The following ZNF577 variants were observed in gnomAD, a reference collection of about 807,000 sequenced individuals.
ZNF577 encodes zinc finger protein 577.
In ZNF577, 14 loss-of-function variants were observed where a neutral mutation model predicts 13.9. The ratio of observed to expected loss-of-function variants is 1.00; its 90% CI spans 0.66 to 1.57. The LOEUF (loss-of-function observed/expected upper bound fraction) is 1.57, where lower values mean the gene tolerates loss of function less well. Ranked by LOEUF, ZNF577 falls within the 40% of genes most tolerant of loss-of-function variation. The probability of loss-of-function intolerance (pLI) is 0.00; values close to 1 mark genes in which losing one functional copy is unlikely to be tolerated. For synonymous variants in ZNF577, 203 were observed against 202.9 expected (o/e 1.00, Z 0.00); for missense variants, 555 against 579.2 (o/e 0.96, Z 0.43).
chr19:51,814,516 C>CA (rs1378864974), intron 9 of ZNF577, among the ~76,000 whole-genome samples: 2 of 152,030 alleles, frequency 1.3e-5, no homozygotes, highest in African/African-American at 4.8e-5. Context: ...TGTTTTGAGA[C>CA]AGAGTCCAGC....
At chr19:51,805,462 T>G (rs1235101960) in intron 10 of ZNF577, among the ~76,000 whole-genome samples, 1 of 152,202 alleles carries the variant, frequency 6.6e-6, no homozygotes, top group Non-Finnish European at 1.5e-5. Context: ...AAGGTGATGT[T>G]GGATGTGAAA....
chr19:51,849,133 G>A (rs780147847), intron 5 of ZNF577, among the ~76,000 whole-genome samples: 1 of 152,140 alleles, frequency 6.6e-6, no homozygotes, highest in Non-Finnish European at 1.5e-5. Context: ...ACAGTTTGGG[G>A]AAGGAAACTA....
At chr19:51,849,187 G>A (rs7252849) in intron 5 of ZNF577, among the ~76,000 whole-genome samples, 70,858 of 152,010 alleles carry the variant, frequency 0.47, 17,741 homozygotes, top group African/African-American at 0.64. Context: ...CTCCAATGGA[G>A]AAAGGGTAAG....
At chr19:51,877,486 A>G (rs534585840) in intron 4 of ZNF577, 109 bp from the exon 5 acceptor site, 3 of 840,102 alleles carry the variant, frequency 3.6e-6, no homozygotes, top group East Asian at 5.1e-5. Flanking sequence ...ATAAAGCAAA[A>G]CTCTTTCACT....
At chr19:51,822,354 G>A (rs1357940589) in intron 9 of ZNF577, among the ~76,000 whole-genome samples, 1 of 152,178 alleles carries the variant, frequency 6.6e-6, no homozygotes, top group Non-Finnish European at 1.5e-5. Flanking sequence ...AAAGATGGAG[G>A]AGGGATACCT....
At chr19:51,823,732 G>A (rs1165139650) in intron 9 of ZNF577, 2 of 1,555,918 alleles carry the variant, frequency 1.3e-6, no homozygotes, top group Admixed American at 1.9e-5. Context: ...TTGCTGAAAT[G>A]TTTCAGGTGT....
At chr19:51,855,868 G>A (rs1464140624) in intron 5 of ZNF577, 2 of 152,140 alleles carry the variant, frequency 1.3e-5, no homozygotes, top group Non-Finnish European at 2.9e-5. Flanking sequence ...GGATTTCCAA[G>A]CTTATTTGTC....
downstream of ZNF577, among the ~76,000 whole-genome samples, chr19:51,863,710 A>G (rs1422249400): frequency 3.3e-5 from 5 of 152,212 alleles, no homozygotes; most frequent in Admixed American, 3.3e-4. Flanking sequence ...TCAAAAGGAG[A>G]AAATAAAAAT....
chr19:51,880,608 CAG>C (rs1192609829), intron 2 of ZNF577, 69 bp downstream of exon 2: 7 of 572,880 alleles, frequency 1.2e-5, no homozygotes, highest in Middle Eastern at 9.3e-4. Flanking sequence ...CTCATTTAAC[CAG>C]ACTGTCTTTT....
At chr19:51,845,315 G>A (rs145985669) in intron 5 of ZNF577, among the ~76,000 whole-genome samples, 1 of 152,162 alleles carries the variant, frequency 6.6e-6, no homozygotes, top group East Asian at 1.9e-4. Flanking sequence ...TCAACATGGA[G>A]AAACCCGGTC....
rs747827538 is a variant in ZNF577, at chr19:51,824,997, C to T, written c.*600-13323G>A. On this transcript the variant is annotated intron_variant and NMD_transcript_variant, in intron 9 of 10. Coordinates refer to the ZNF577 transcript ENST00000638827. This position sits in a 1 kb window ranked among gnomAD's most constrained non-coding sequence, Gnocchi z 4.7. ...CAATAGACACCAGCTGGGTGTCCTA[C>T]AATTAAATTCCAACACTATCTACCT... The T allele has an allele frequency of 1.5e-5, 9 of 587,404 alleles. No homozygotes were observed. The highest frequency in any genetic ancestry group is 6.8e-5 in the South Asian group (3 of 44,064). 36.4% of individuals were successfully genotyped at this position (587,404 alleles called of 1,614,324 possible).
chr19:51,883,055 G>A (rs541055817), intron 1 of ZNF577, among the ~76,000 whole-genome samples: 6 of 149,306 alleles, frequency 4.0e-5, no homozygotes, highest in South Asian at 2.1e-4. Flanking sequence ...GTGCAGTAGC[G>A]CGATCTCAGC....
At chr19:51,826,037 A>G (rs1250378402) in intron 9 of ZNF577, 1 of 164,830 alleles carries the variant, frequency 6.1e-6, no homozygotes, top group Non-Finnish European at 1.5e-5. Flanking sequence ...TGTTTAAATC[A>G]TGAATGAATG....
chr19:51,868,288 GAC>G lies in ZNF577; in HGVS notation c.*4242_*4243del, dbSNP rs560115321. ...TAGGCCAGTTCCGGACACTCCATAGGACACAGACACCTACACACCTAAAAAAG... is the reference window on the plus strand; with the variant it reads ...TAGGCCAGTTCCGGACACTCCATAGGACAGACACCTACACACCTAAAAAAG... On this transcript the variant is annotated 3_prime_UTR_variant, in exon 6 of 6. Coordinates refer to ENST00000638348, the MANE Select transcript of ZNF577 (RefSeq NM_001370449.1). Among the ~76,000 whole-genome samples, 778 of 152,156 alleles carry G rather than the reference GAC, an allele frequency of 5.1e-3. 2 individuals are homozygous for G. Among genetic ancestry groups the G allele is most frequent in the Non-Finnish European group, 8.5e-3 (581 of 67,996 alleles).
Position 51,824,780 on chromosome 19 carries a change from T to G in ZNF577, c.*600-13106A>C, listed in dbSNP as rs761936405. The G allele has an allele frequency of 1.8e-5, 29 of 1,612,966 alleles. No homozygotes were observed. The South Asian group carries it at 3.1e-4, about 17-fold the overall frequency. On this transcript the variant is annotated intron_variant and NMD_transcript_variant, in intron 9 of 10. Coordinates refer to the ZNF577 transcript ENST00000638827. The surrounding 1 kb of genome is among the most constrained non-coding windows in gnomAD (Gnocchi z 4.7). ...ACACAGACACCACTTCTGCTTCACCTCCTGAGGAGACGGAGTTACAAGCAA... is the reference window on the plus strand; with the variant it reads ...ACACAGACACCACTTCTGCTTCACCGCCTGAGGAGACGGAGTTACAAGCAA...
chr19:51,836,668 G>A (rs1426577076), intron 9 of ZNF577, among the ~76,000 whole-genome samples: 1 of 152,140 alleles, frequency 6.6e-6, no homozygotes, highest in Non-Finnish European at 1.5e-5. Context: ...CTGGTGAGTG[G>A]ATACACTATA....
intron 9 of ZNF577, among the ~76,000 whole-genome samples, chr19:51,817,494 A>G (rs2084146782): frequency 6.6e-6 from 1 of 151,212 alleles, no homozygotes; most frequent in South Asian, 2.1e-4. Flanking sequence ...AACGTAAGTA[A>G]CCATGTCAGT....
At chr19:51,809,809 C>G (rs1230673656) in intron 10 of ZNF577, among the ~76,000 whole-genome samples, 2 of 152,164 alleles carry the variant, frequency 1.3e-5, no homozygotes, top group African/African-American at 4.8e-5. Flanking sequence ...ATCCTGCACT[C>G]CTTGTGTTCC....
intron 1 of ZNF577, among the ~76,000 whole-genome samples, chr19:51,883,261 G>A (rs902586184): frequency 6.6e-6 from 1 of 151,988 alleles, no homozygotes; most frequent in Non-Finnish European, 1.5e-5. Flanking sequence ...AAAGTGCTGG[G>A]ATTACAGGTG....
Sources: gnomAD v4.1 joint callset for allele counts (sites outside exome capture counted in the v4.1 genomes callset) on GRCh38, gnomAD v4.1.1 for gene constraint, Gnocchi (gnomAD v3.1) non-coding constraint, MANE v1.5 for transcripts, NCBI Gene and HGNC (gene_info 2026-07-23, HGNC 2026-07-21) for gene names.